The following DOCK5 variants were observed in gnomAD, a reference collection of about 807,000 sequenced individuals.
The protein encoded by DOCK5 is dedicator of cytokinesis protein 5.
Under a neutral mutation model 251.8 loss-of-function variants are expected in DOCK5, and 142 were observed. The observed-to-expected ratio is 0.56, with a 90% CI of 0.49 to 0.65. The LOEUF is 0.65. DOCK5 is among the 30% of genes least tolerant of loss of function. The pLI is 0.00. For missense variants in DOCK5, 2,111 were observed against 2,312.3 expected, an observed-to-expected ratio of 0.91 and a Z score of 1.79; for synonymous variants, 842 against 835.5, an observed-to-expected ratio of 1.01 and a Z score of -0.13.
At chr8:25,325,928 C>A (rs1014300852) in intron 18 of DOCK5, among the ~76,000 whole-genome samples, 36 of 152,234 alleles carry the variant, frequency 2.4e-4, no homozygotes, top group African/African-American at 7.9e-4. Context: ...GAAATATAAT[C>A]AGTTTCCTGT....
Position 25,255,960 on chromosome 8 carries a change from G to A in DOCK5, c.127+12203G>A, listed in dbSNP as rs530263261. On this transcript the variant is annotated intron_variant, in intron 2 of 51. Transcript: ENST00000276440. ...GGAGTTGAATGATTCAACAGAAATG[G>A]TCATAGTAGCAGGAAACAGACTGCC... 7.8e-4 allele frequency among the ~76,000 whole-genome samples: 119 copies of A among 152,290 alleles called. 2 individuals are homozygous for A. The South Asian group carries it at 0.024, about 30-fold the overall frequency.
chr8:25,264,619 A>G (rs1190545863), intron 2 of DOCK5, among the ~76,000 whole-genome samples: 1 of 151,816 alleles, frequency 6.6e-6, no homozygotes, highest in African/African-American at 2.4e-5. Context: ...TGAGGTCAGG[A>G]GTTCAAGACC....
intron 44 of DOCK5, among the ~76,000 whole-genome samples, chr8:25,394,318 T>C (rs1188703819): frequency 6.6e-6 from 1 of 152,168 alleles, no homozygotes; most frequent in Non-Finnish European, 1.5e-5. Context: ...GAGGTCATGT[T>C]GACTGATAAT....
chr8:25,277,802 C>T (rs976223129), intron 4 of DOCK5, among the ~76,000 whole-genome samples: 2 of 152,186 alleles, frequency 1.3e-5, no homozygotes, highest in African/African-American at 2.4e-5. Flanking sequence ...ATGGGTCACA[C>T]TTATTCTAAA....
intron 27 of DOCK5, among the ~76,000 whole-genome samples, chr8:25,358,372 A>G (rs970645187): frequency 6.6e-6 from 1 of 152,194 alleles, no homozygotes; most frequent in Non-Finnish European, 1.5e-5. Context: ...GCATGAGTGT[A>G]ACCGTTCCCA....
At chr8:25,248,049 GTTGAGAACAC>G (rs1803164284) in intron 2 of DOCK5, among the ~76,000 whole-genome samples, 2 of 152,168 alleles carry the variant, frequency 1.3e-5, no homozygotes, top group Non-Finnish European at 2.9e-5. Context: ...GGGGAGGGAG[GTTGAGAACAC>G]TTGAGCCTGC....
chr8:25,348,334 C>T (rs1800406338), intron 26 of DOCK5, among the ~76,000 whole-genome samples: 1 of 152,170 alleles, frequency 6.6e-6, no homozygotes, highest in South Asian at 2.1e-4. Flanking sequence ...CTGCCAAATT[C>T]TACTCATTCT....
At chr8:25,278,181 C>T (rs748284996) in intron 4 of DOCK5, among the ~76,000 whole-genome samples, 7 of 152,184 alleles carry the variant, frequency 4.6e-5, no homozygotes, top group Non-Finnish European at 1.0e-4. Flanking sequence ...ACTCGTGCCA[C>T]ACACACCTTT....
intron 1 of DOCK5, among the ~76,000 whole-genome samples, chr8:25,236,243 C>G (rs1343995086): frequency 1.3e-5 from 2 of 152,288 alleles, no homozygotes; most frequent in East Asian, 1.9e-4. Context: ...ATGTCCTAAC[C>G]TGATAGCCTC....
At chr8:25,312,226 G>A (rs1805117842) in intron 13 of DOCK5, among the ~76,000 whole-genome samples, 4 of 151,970 alleles carry the variant, frequency 2.6e-5, no homozygotes, top group Admixed American at 2.6e-4. Flanking sequence ...AAAAAAATTA[G>A]TAGTAATATT....
rs577730967 is a variant in DOCK5, at chr8:25,374,946, A to G, written c.3816+292A>G. On this transcript the variant is annotated intron_variant, in intron 37 of 51. Transcript: ENST00000276440. The stretch of plus-strand genomic sequence containing the variant: ...ACACACATTGATGAATACATAAAAA[A>G]ATTTGTAAAACTGCAGAAAACTGCA... The G allele has an allele frequency of 4.9e-5, 61 of 1,232,692 alleles. No individual in the cohort carries two copies. The East Asian group carries it at 1.1e-3, about 22-fold the overall frequency. The allele number at this position is 1,232,692 out of a possible 1,614,324, so 76.4% of individuals were successfully genotyped here.
chr8:25,317,462 G>C (rs1208585479), intron 14 of DOCK5: 1 of 197,132 alleles, frequency 5.1e-6, no homozygotes, highest in East Asian at 1.2e-4. Flanking sequence ...TTCCTCTTAG[G>C]CTTGAGCTAA....
chr8:25,315,084 T>A (rs1207140172), intron 13 of DOCK5, among the ~76,000 whole-genome samples: 1 of 146,596 alleles, frequency 6.8e-6, no homozygotes, highest in Non-Finnish European at 1.5e-5. Flanking sequence ...ATCCCGCTCC[T>A]CCCTCGCTGA....
At chr8:25,237,329 C>T (rs1167887921) in intron 1 of DOCK5, among the ~76,000 whole-genome samples, 1 of 152,024 alleles carries the variant, frequency 6.6e-6, no homozygotes, top group African/African-American at 2.4e-5. Flanking sequence ...ACGATTGTGC[C>T]ACTGTACTCT....
At position 25,414,909 on chromosome 8, in the gene DOCK5, C is replaced by CTTTTTTTTTTTTTTTTTTTTTTT. The variant is rs56338302; in HGVS notation, c.*3624_*3625insTTTTTTTTTTTTTTTTTTTTTTT. 2.1e-5 allele frequency: 2 copies of CTTTTTTTTTTTTTTTTTTTTTTT among 96,642 alleles called. No homozygotes were observed. Among genetic ancestry groups the CTTTTTTTTTTTTTTTTTTTTTTT allele is most frequent in the African/African-American group, 3.7e-5 (1 of 27,148 alleles). The allele number at this position is 96,642 out of a possible 1,614,324, so 6.0% of individuals were successfully genotyped here. ...ATTTGTAGTCAGTCCCTGGGCCTGT[C>CTTTTTTTTTTTTTTTTTTTTTTT]TTTTTTTTTTTTTAATTTTGAAGCT... On this transcript the variant is annotated 3_prime_UTR_variant, in exon 52 of 52. Transcript: ENST00000276440.
intron 2 of DOCK5, among the ~76,000 whole-genome samples, chr8:25,244,524 C>T (rs1214752295): frequency 1.3e-5 from 2 of 152,236 alleles, no homozygotes; most frequent in Non-Finnish European, 2.9e-5. Flanking sequence ...CAGTTATTCT[C>T]TCAGAAGGTT....
intron 7 of DOCK5, among the ~76,000 whole-genome samples, chr8:25,296,962 A>G (rs537645305): frequency 6.6e-6 from 1 of 152,230 alleles, no homozygotes; most frequent in African/African-American, 2.4e-5. Flanking sequence ...GAAATAATAG[A>G]CAAGAAATAA....
rs1195144636 is a variant in DOCK5, at chr8:25,396,987, G to A, written c.4704+1268G>A. Among the ~76,000 whole-genome samples, 7 of 152,240 alleles carry A rather than the reference G, an allele frequency of 4.6e-5. No homozygotes were observed. In the East Asian group the frequency reaches 9.7e-4, roughly 21 times the overall value. On this transcript the variant is annotated intron_variant, in intron 45 of 51. Coordinates refer to ENST00000276440, the MANE Select transcript of DOCK5 (RefSeq NM_024940.8). ...TGTAATCCCAGCACTTTGGGAAGCC[G>A]AGGCGGGAGATCACCTGAGGCCAAG...
chr8:25,235,108 T>C (rs1190132158), intron 1 of DOCK5, among the ~76,000 whole-genome samples: 1 of 152,164 alleles, frequency 6.6e-6, no homozygotes, highest in African/African-American at 2.4e-5. Flanking sequence ...GCACAAATTC[T>C]CCTTTTTGGG....
Sources: allele counts gnomAD v4.1 joint callset (sites outside exome capture counted in the v4.1 genomes callset), GRCh38; gene constraint gnomAD v4.1.1; transcripts MANE v1.5; gene names NCBI Gene and HGNC (gene_info 2026-07-23, HGNC 2026-07-21).